The following PPARGC1A variants were observed in gnomAD, a reference collection of about 807,000 sequenced individuals.
The protein encoded by PPARGC1A is PPARG coactivator 1 alpha.
In PPARGC1A, 25 loss-of-function variants were observed where a neutral mutation model predicts 88.7. The ratio of observed to expected loss-of-function variants is 0.28; its 90% confidence interval spans 0.21 to 0.39. PPARGC1A has a LOEUF of 0.39. Ranked by LOEUF, PPARGC1A falls within the 10% of genes least tolerant of loss-of-function variation. The pLI is 1.00. For missense variants in PPARGC1A, 880 were observed against 968.7 expected (o/e 0.91, Z 1.22); for synonymous variants, 363 against 355.6 (o/e 1.02, Z -0.24).
the PPARGC1A span, among the ~76,000 whole-genome samples, chr4:24,024,750 T>G: frequency 1.3e-5 from 2 of 152,216 alleles, no homozygotes; most frequent in African/African-American, 4.8e-5. Flanking sequence ...CATCCCCATA[T>G]AAGTGCGTAT....
At chr4:23,901,753 A>G (rs758018774), upstream of PPARGC1A, among the ~76,000 whole-genome samples, 2 of 152,220 alleles carry the variant, frequency 1.3e-5, no homozygotes, top group Non-Finnish European at 2.9e-5. Flanking sequence ...CCATTGTACC[A>G]CCAGTGGGCT....
At chr4:23,918,265 C>T in the PPARGC1A span, among the ~76,000 whole-genome samples, 21 of 151,202 alleles carry the variant, frequency 1.4e-4, no homozygotes, top group Admixed American at 4.0e-4. Flanking sequence ...TTCTATTGCT[C>T]AGTCTGGAGT....
chr4:24,183,464 T>C, the PPARGC1A span, among the ~76,000 whole-genome samples: 2 of 152,216 alleles, frequency 1.3e-5, no homozygotes, highest in African/African-American at 4.8e-5. Context: ...AGTATCTGCG[T>C]TCAAAGATGG....
the PPARGC1A span, among the ~76,000 whole-genome samples, chr4:24,116,837 T>C: frequency 6.6e-6 from 1 of 152,192 alleles, no homozygotes; most frequent in Non-Finnish European, 1.5e-5. Flanking sequence ...GTCTATCCCC[T>C]ACACCACAGC....
chr4:23,890,428 T>C (rs972460867), upstream of PPARGC1A, among the ~76,000 whole-genome samples: 1 of 152,050 alleles, frequency 6.6e-6, no homozygotes, highest in Non-Finnish European at 1.5e-5. Flanking sequence ...GCTCCCTGTT[T>C]CATGACAGAG....
chr4:24,305,655 A>G, the PPARGC1A span, among the ~76,000 whole-genome samples: 1 of 152,130 alleles, frequency 6.6e-6, no homozygotes, highest in South Asian at 2.1e-4. Context: ...TCTACTAAAA[A>G]TACAAAATTA....
chr4:24,213,586 C>T, the PPARGC1A span, among the ~76,000 whole-genome samples: 2 of 152,170 alleles, frequency 1.3e-5, no homozygotes, highest in African/African-American at 4.8e-5. Flanking sequence ...GACATTGCGG[C>T]CTTTTTCCTG....
At chr4:23,978,485 G>C in the PPARGC1A span, among the ~76,000 whole-genome samples, 1 of 152,120 alleles carries the variant, frequency 6.6e-6, no homozygotes, top group Non-Finnish European at 1.5e-5. Flanking sequence ...ATCAAAGGCT[G>C]TTTTCTGATA....
the PPARGC1A span, among the ~76,000 whole-genome samples, chr4:24,126,334 A>AATGTCTT: frequency 6.6e-6 from 1 of 151,344 alleles, no homozygotes; most frequent in Admixed American, 6.6e-5. Flanking sequence ...ATGGACTCAA[A>AATGTCTT]ATGTCTTCTA....
At chr4:23,813,200 T>A (rs1209706846) in intron 8 of PPARGC1A, 75 bp from the exon 9 acceptor site, 2 of 1,225,250 alleles carry the variant, frequency 1.6e-6, no homozygotes, top group Non-Finnish European at 1.2e-6. Flanking sequence ...CTGTGGAGCA[T>A]CCTCTGGGAC....
At chr4:23,998,513 A>C in the PPARGC1A span, among the ~76,000 whole-genome samples, 1 of 152,170 alleles carries the variant, frequency 6.6e-6, no homozygotes, top group Non-Finnish European at 1.5e-5. Context: ...GAGTAAAGTA[A>C]GAGCTATGCA....
the PPARGC1A span, among the ~76,000 whole-genome samples, chr4:24,443,703 C>T: frequency 6.6e-6 from 1 of 151,448 alleles, no homozygotes; most frequent in Non-Finnish European, 1.5e-5. Context: ...TTACAGGCGC[C>T]TGCCACCATG....
the PPARGC1A span, among the ~76,000 whole-genome samples, chr4:24,084,061 T>G: frequency 6.6e-6 from 1 of 152,214 alleles, no homozygotes; most frequent in Non-Finnish European, 1.5e-5. Flanking sequence ...ACACAGCTGA[T>G]CAGTGGGTAA....
intron 3 of PPARGC1A, 158 bp downstream of exon 3, chr4:23,831,399 A>T (rs1350991741): frequency 3.4e-6 from 2 of 587,758 alleles, no homozygotes; most frequent in Non-Finnish European, 5.9e-6. Flanking sequence ...ACTTTTAAAC[A>T]GAGAATCACA....
the PPARGC1A span, among the ~76,000 whole-genome samples, chr4:24,197,621 GTGATC>G: frequency 1.3e-5 from 2 of 152,166 alleles, no homozygotes; most frequent in South Asian, 4.1e-4. Flanking sequence ...ATCCTATTCT[GTGATC>G]TGATCAGGGT....
At chr4:24,095,987 C>T in the PPARGC1A span, among the ~76,000 whole-genome samples, 26 of 152,248 alleles carry the variant, frequency 1.7e-4, no homozygotes, top group African/African-American at 6.0e-4. Context: ...CAAACCATAG[C>T]AGGCATGATA....
At chr4:23,986,862 T>C in the PPARGC1A span, among the ~76,000 whole-genome samples, 1 of 152,090 alleles carries the variant, frequency 6.6e-6, no homozygotes, top group Non-Finnish European at 1.5e-5. Context: ...AAGAGAGAAT[T>C]ACAAACAAAT....
the PPARGC1A span, among the ~76,000 whole-genome samples, chr4:24,214,010 T>C: frequency 1.3e-5 from 2 of 152,244 alleles, no homozygotes; most frequent in Non-Finnish European, 2.9e-5. Flanking sequence ...AGCAGTTCAC[T>C]GAGCGCTGTA....
At chr4:24,231,597 G>A in the PPARGC1A span, among the ~76,000 whole-genome samples, 2 of 152,118 alleles carry the variant, frequency 1.3e-5, no homozygotes, top group Non-Finnish European at 1.5e-5. Context: ...AATCCTCCCC[G>A]AATTAGCTGC....
Sources: allele counts gnomAD v4.1 joint callset (sites outside exome capture counted in the v4.1 genomes callset), GRCh38; gene constraint gnomAD v4.1.1; transcripts MANE v1.5; gene names NCBI Gene and HGNC (gene_info 2026-07-23, HGNC 2026-07-21).